The following ROBO2 variants were observed in gnomAD, a reference collection of about 807,000 sequenced individuals.
The protein encoded by ROBO2 is roundabout homolog 2.
ROBO2 carries 53 observed loss-of-function variants against 160.8 expected under a neutral mutation model. The ratio of observed to expected loss-of-function variants is 0.33; its 90% confidence interval spans 0.26 to 0.41. The LOEUF (loss-of-function observed/expected upper bound fraction) is 0.41. ROBO2 is among the 10% of genes least tolerant of loss of function. The pLI is 1.00. For missense variants in ROBO2, 1,577 were observed against 1,722.4 expected (o/e 0.92, Z 1.49); for synonymous variants, 664 against 611.7 (o/e 1.09, Z -1.26).
intron 2 of ROBO2, among the ~76,000 whole-genome samples, chr3:76,848,635 A>C (rs1193566319): frequency 1.3e-5 from 2 of 152,224 alleles, no homozygotes; most frequent in Non-Finnish European, 2.9e-5. Flanking sequence ...AGATGCTGGC[A>C]GACCCTGTGT....
chr3:76,655,534 G>A (rs1339961250), intron 2 of ROBO2, among the ~76,000 whole-genome samples: 2 of 139,392 alleles, frequency 1.4e-5, no homozygotes, highest in Non-Finnish European at 3.1e-5. Context: ...GGAAGGAAAC[G>A]AAGGGATGGG....
intron 2 of ROBO2, among the ~76,000 whole-genome samples, chr3:76,562,324 G>A (rs980427700): frequency 6.6e-6 from 1 of 151,858 alleles, no homozygotes; most frequent in African/African-American, 2.4e-5. Context: ...GATAGTAACA[G>A]CCAATAATAC....
chr3:76,794,735 T>G (rs983698575), intron 2 of ROBO2, among the ~76,000 whole-genome samples: 17 of 152,170 alleles, frequency 1.1e-4, no homozygotes, highest in African/African-American at 4.1e-4. Context: ...CTATTTAAAA[T>G]AAAGATAATG....
intron 2 of ROBO2, among the ~76,000 whole-genome samples, chr3:76,592,878 G>A (rs922775516): frequency 1.3e-5 from 2 of 151,852 alleles, no homozygotes; most frequent in Non-Finnish European, 2.9e-5. Context: ...CCTCAGCCAA[G>A]ACAAAAAAAG....
chr3:76,604,204 T>G (rs1205038360), intron 2 of ROBO2, among the ~76,000 whole-genome samples: 7 of 152,220 alleles, frequency 4.6e-5, no homozygotes, highest in Non-Finnish European at 7.4e-5. Context: ...TAGAAATTGC[T>G]GTGTGTCTAT....
intron 2 of ROBO2, among the ~76,000 whole-genome samples, chr3:77,197,994 C>A (rs2082463552): frequency 6.6e-6 from 1 of 152,160 alleles, no homozygotes; most frequent in Admixed American, 6.5e-5. Context: ...GCTAGAATGC[C>A]AGCTTCACAG....
At chr3:76,754,431 T>C (rs1033574876) in intron 2 of ROBO2, among the ~76,000 whole-genome samples, 1 of 151,844 alleles carries the variant, frequency 6.6e-6, no homozygotes, top group Non-Finnish European at 1.5e-5. Context: ...CCTTCATAAT[T>C]CCTAAACTGC....
intron 2 of ROBO2, among the ~76,000 whole-genome samples, chr3:77,361,792 G>C (rs1024390847): frequency 6.6e-6 from 1 of 152,130 alleles, no homozygotes; most frequent in Non-Finnish European, 1.5e-5. Context: ...TGAACATTCA[G>C]ACTGTAGTAT....
At chr3:76,314,249 A>G (rs1255321434) in intron 2 of ROBO2, among the ~76,000 whole-genome samples, 1 of 152,128 alleles carries the variant, frequency 6.6e-6, no homozygotes, top group Non-Finnish European at 1.5e-5. Context: ...ACTCACCAGA[A>G]ATCTTAACTA....
chr3:76,435,796 T>TG (rs2076647679), intron 2 of ROBO2, among the ~76,000 whole-genome samples: 1 of 152,180 alleles, frequency 6.6e-6, no homozygotes, highest in Non-Finnish European at 1.5e-5. Context: ...CAGATCAGAA[T>TG]GTTCACACTG....
chr3:76,254,845 G>T (rs1052295042), intron 2 of ROBO2, among the ~76,000 whole-genome samples: 10 of 151,812 alleles, frequency 6.6e-5, no homozygotes, highest in Non-Finnish European at 7.4e-5. Context: ...TTATAATTTT[G>T]CAAATTATTA....
intron 2 of ROBO2, among the ~76,000 whole-genome samples, chr3:76,327,512 T>C (rs1178318416): frequency 2.0e-5 from 3 of 152,150 alleles, no homozygotes; most frequent in Non-Finnish European, 2.9e-5. Flanking sequence ...TCATAAAAAG[T>C]AAAAATTCAT....
chr3:77,302,078 CT>C (rs570370738), intron 2 of ROBO2, among the ~76,000 whole-genome samples: 104 of 150,586 alleles, frequency 6.9e-4, no homozygotes, highest in Non-Finnish European at 1.3e-3. Flanking sequence ...AACTAAAGAA[CT>C]TTTTTTTTCC....
At chr3:77,643,516 T>G (rs771020699) in intron 24 of ROBO2, among the ~76,000 whole-genome samples, 1 of 152,166 alleles carries the variant, frequency 6.6e-6, no homozygotes, top group Non-Finnish European at 1.5e-5. Context: ...TAAATCAAGC[T>G]TCCTGGAAAT....
chr3:77,190,251 T>C (rs2081704004), intron 2 of ROBO2, among the ~76,000 whole-genome samples: 1 of 151,988 alleles, frequency 6.6e-6, no homozygotes. Flanking sequence ...TAAAATTGGA[T>C]AGTTATCTCA....
chr3:76,496,095 T>C (rs2080133056), intron 2 of ROBO2, among the ~76,000 whole-genome samples: 1 of 152,208 alleles, frequency 6.6e-6, no homozygotes, highest in Non-Finnish European at 1.5e-5. Flanking sequence ...CAATTTTCTT[T>C]ATCTATAAAA....
At chr3:76,317,828 G>A (rs1196875526) in intron 2 of ROBO2, among the ~76,000 whole-genome samples, 1 of 151,852 alleles carries the variant, frequency 6.6e-6, no homozygotes, top group Non-Finnish European at 1.5e-5. Flanking sequence ...TTGGGAAATA[G>A]CATTTAATAA....
chr3:77,282,772 T>C (rs1014798311), intron 2 of ROBO2, among the ~76,000 whole-genome samples: 1 of 152,100 alleles, frequency 6.6e-6, no homozygotes, highest in Non-Finnish European at 1.5e-5. Context: ...CCTCAAAGCA[T>C]AATATAATGA....
intron 2 of ROBO2, among the ~76,000 whole-genome samples, chr3:76,418,088 C>G (rs1270585876): frequency 6.6e-6 from 1 of 151,750 alleles, no homozygotes; most frequent in Non-Finnish European, 1.5e-5. Context: ...TTAACTTGAC[C>G]TATTTCTTAT....
Sources: gnomAD v4.1 joint callset for allele counts (sites outside exome capture counted in the v4.1 genomes callset) on GRCh38, gnomAD v4.1.1 for gene constraint, MANE v1.5 for transcripts, NCBI Gene and HGNC (gene_info 2026-07-23, HGNC 2026-07-21) for gene names.